Variants in GMIP observed in about 807,000 individuals in gnomAD.
GMIP encodes the protein GEM-interacting protein.
Under a neutral mutation model 105.3 loss-of-function variants are expected in GMIP, and 54 were observed. The observed-to-expected ratio is 0.51, with a 90% confidence interval of 0.41 to 0.64. The LOEUF (loss-of-function observed/expected upper bound fraction) is 0.64, where lower values mean the gene tolerates loss of function less well. Among genes scored for constraint, GMIP ranks in the 30% least tolerant of loss-of-function variants. The pLI is 0.00. For synonymous variants in GMIP, 541 were observed against 560.8 expected (o/e 0.96, Z 0.50); for missense variants, 1,110 against 1,319.4 (o/e 0.84, Z 2.46).
chr19:19,639,664 C>T (rs112530800), intron 7 of GMIP, among the ~76,000 whole-genome samples: 4,551 of 151,868 alleles, frequency 0.03, 241 homozygotes, highest in African/African-American at 0.1. Context: ...GCCTGGCCAA[C>T]ATGGTGAAAC....
intron 1 of GMIP, chr19:19,643,299 G>C (rs924959778): frequency 2.1e-6 from 1 of 484,226 alleles, no homozygotes; most frequent in African/African-American, 2.0e-5. Context: ...CCAGGCGTCT[G>C]GGGTGAGGGA....
chr19:19,642,619 C>G lies in GMIP; in HGVS notation c.20G>C (p.Gly7Ala). Residue 7 changes from glycine to alanine, a missense_variant and splice_region_variant, in exon 2 of 21, where the codon GGA becomes GCA. Gly to Ala is a moderately conservative substitution (Grantham distance 60). Coordinates refer to ENST00000203556, the MANE Select transcript of GMIP (RefSeq NM_016573.4). The stretch of plus-strand genomic sequence containing the variant: ...CCTGCCCTCAGGACCTGGGGGGAGT[C>G]CTAGGGGAGGGGAGTGTAATACATG... MDAAEPGLPPGPEGRKR... is the reference protein window; with the variant it reads MDAAEPALPPGPEGRKR... 6.3e-7 allele frequency: 1 copy of G among 1,575,606 alleles called. No individual in the cohort carries two copies.
chr19:19,641,274 G>A (rs921771325), intron 4 of GMIP, among the ~76,000 whole-genome samples: 1 of 151,536 alleles, frequency 6.6e-6, no homozygotes, highest in Admixed American at 6.6e-5. Context: ...AGTAGAGATG[G>A]GGTTTCACCA....
rs1000299919 is a variant in GMIP at position 19,643,617 on chromosome 19, A to AGCC, written c.-91_-89dup. ...CCGAGCCCCGATTTCCTGCCGCCGCAGCCGCCGCCGCCGCCTCGGTTCCGC... is the reference window on the plus strand; with the variant it reads ...CCGAGCCCCGATTTCCTGCCGCCGCAGCCGCCGCCGCCGCCGCCTCGGTTCCGC... On this transcript the variant is annotated 5_prime_UTR_variant, in exon 1 of 21. Transcript: ENST00000203556. 24 of 1,205,982 alleles carry AGCC rather than the reference A, an allele frequency of 2.0e-5. No individual in the cohort carries two copies. The highest frequency in any genetic ancestry group is 1.3e-4 in the Admixed American group (5 of 39,698). The allele number at this position is 1,205,982 out of a possible 1,614,324, so 74.7% of individuals were successfully genotyped here. A position where few individuals can be genotyped will look rare whatever the true frequency, so the allele number is the denominator to read the frequency against.
Position 19,630,201 on chromosome 19 carries a change from G to A in GMIP, c.2675C>T (p.Ser892Phe). ...HQLSSLALVA[S>F]KLCEETPITS... ...GATGGGGGTCTCCTCGCACAGCTTGGAAGCCACCAGGGCCAGACTGGACAG... is the reference window on the plus strand; with the variant it reads ...GATGGGGGTCTCCTCGCACAGCTTGAAAGCCACCAGGGCCAGACTGGACAG... Residue 892 changes from serine to phenylalanine, a missense_variant, in exon 21 of 21, where the codon TCC (serine) becomes TTC (phenylalanine). By Grantham distance (155) the Ser-to-Phe change is radical. Transcript: ENST00000203556. The surrounding 1 kb of genome is among the most constrained non-coding windows in gnomAD (Gnocchi z 4.8). The A allele has an allele frequency of 6.2e-7, 1 of 1,600,048 alleles. No homozygotes were observed. The highest frequency in any genetic ancestry group is 8.5e-7 in the Non-Finnish European group (1 of 1,169,964).
chr19:19,631,599 C>T (rs2061795842), intron 19 of GMIP, among the ~76,000 whole-genome samples: 1 of 152,240 alleles, frequency 6.6e-6, no homozygotes, highest in Non-Finnish European at 1.5e-5. Flanking sequence ...AGGCCTTGGG[C>T]ATGGACTGTT....
Position 19,638,347 on chromosome 19 carries a change from G to T in GMIP, c.619-18C>A. The T allele has an allele frequency of 6.2e-7, 1 of 1,614,096 alleles. No individual in the cohort carries two copies. The highest frequency in any genetic ancestry group is 8.5e-7 in the Non-Finnish European group (1 of 1,179,998). On this transcript the variant is annotated intron_variant, in intron 8 of 20. Transcript: ENST00000203556. ...GCCTCATTCTGGGGGATGATGAGAA[G>T]GTCAGCGTCCCGGCCTCTCTCTCAC...
chr19:19,632,731 A>C (rs1041477890), intron 19 of GMIP, among the ~76,000 whole-genome samples: 1 of 152,200 alleles, frequency 6.6e-6, no homozygotes, highest in East Asian at 1.9e-4. Flanking sequence ...GCCTGTGAAT[A>C]GCAGATGCAA....
At chr19:19,632,338 G>T (rs1339053741) in intron 19 of GMIP, among the ~76,000 whole-genome samples, 1 of 152,012 alleles carries the variant, frequency 6.6e-6, no homozygotes, top group African/African-American at 2.4e-5. Flanking sequence ...GGTGGCTCAC[G>T]CCTATAATCC....
In GMIP at chr19:19,634,512, C is replaced by T. The variant is rs778728123; in HGVS notation, c.2079G>A (p.Leu693=). ...YNTLRHLVAH[L]FRVAARFMEN... is the part of the protein sequence containing the mutation. ...GCTCAGGGACCCATGCACACCTGAA[C>T]AGATGGGCCACCAGGTGCCGCAGGG... Residue 693 remains leucine (L), a synonymous_variant, in exon 18 of 21, where the codon CTG becomes CTA. Coordinates refer to ENST00000203556, the MANE Select transcript of GMIP (RefSeq NM_016573.4). The surrounding 1 kb of genome is among the most constrained non-coding windows in gnomAD (Gnocchi z 6.1). 1 of 1,609,018 alleles carries T rather than the reference C, an allele frequency of 6.2e-7. No homozygotes were observed.
intron 7 of GMIP, 59 bp downstream of exon 7, chr19:19,640,026 C>G: frequency 1.0e-6 from 1 of 970,648 alleles, no homozygotes; most frequent in Non-Finnish European, 1.6e-6. Context: ...GGGGATCAGG[C>G]CTGAAGGACA....
chr19:19,642,906 C>G (rs896286539), intron 1 of GMIP, among the ~76,000 whole-genome samples: 8 of 152,030 alleles, frequency 5.3e-5, no homozygotes, highest in Admixed American at 5.2e-4. Context: ...CAGGCTGTCC[C>G]GAGAAGAAAG....
intron 19 of GMIP, among the ~76,000 whole-genome samples, chr19:19,632,546 A>G (rs1250724314): frequency 9.2e-5 from 14 of 152,288 alleles, no homozygotes; most frequent in Non-Finnish European, 1.9e-4. Context: ...AAAAAAATAA[A>G]AGATTCCAAC....
chr19:19,640,005 C>A (rs2061900692), intron 7 of GMIP, 80 bp downstream of exon 7: 1 of 746,142 alleles, frequency 1.3e-6, no homozygotes. Context: ...TCCCAGCTTG[C>A]TGGGAAACGA....
rs1415290879 is a variant in GMIP, at chr19:19,630,310, G to T, written c.2566C>A (p.Leu856Ile). Residue 856 changes from leucine to isoleucine, a missense_variant, in exon 21 of 21, where the codon CTC becomes ATC. Physicochemically the swap from Leu to Ile is conservative, Grantham distance 5 (BLOSUM62 2). Around this residue, in one of 3 missense-constraint regions of GMIP, gnomAD observed 394 missense variants for 450.5 expected, o/e 0.87. Transcript: ENST00000203556. The surrounding 1 kb of genome is among the most constrained non-coding windows in gnomAD (Gnocchi z 4.8). ...TGGCCACGAGACTGTGTCCCCAGGA[G>T]TGAGTCCTCTGGGCCTTGGCTGGAC... ...EVSSQGPEDS[L>I]LGTQSRGHFS... 6.5e-7 allele frequency: 1 copy of T among 1,543,630 alleles called. No homozygotes were observed. The highest frequency in any genetic ancestry group is 1.8e-4 in the Middle Eastern group (1 of 5,712).
Position 19,641,805 on chromosome 19 carries a change from C to T in GMIP, c.238+5G>A. 2.5e-6 allele frequency: 4 copies of T among 1,606,836 alleles called. No homozygotes were observed. Among genetic ancestry groups the T allele is most frequent in the Non-Finnish European group, 3.4e-6 (4 of 1,175,744 alleles). The stretch of plus-strand genomic sequence containing the variant: ...CCCACTGTCCTGGCCTCCAGACCCC[C>T]CTACCTGTGAGGGGTACAGGACCCT... On this transcript the variant is annotated splice_donor_5th_base_variant and intron_variant, in intron 4 of 20. Transcript: ENST00000203556.
Position 19,634,551 on chromosome 19 carries a change from G to C in GMIP, c.2040C>G (p.Asp680Glu), listed in dbSNP as rs775983419. ...GGTGCCGCAGGGTGTTGTAGTTAGA[G>C]TCAGGCAGCTGTACCAAGAGGGTCT... ...SLKTLLVQLP[D>E]SNYNTLRHLV... Residue 680 changes from aspartate to glutamate, a missense_variant, in exon 18 of 21, where the codon GAC becomes GAG. By Grantham distance (45) the Asp-to-Glu change is conservative (BLOSUM62 2). Around this residue, in one of 3 missense-constraint regions of GMIP, gnomAD observed 394 missense variants for 450.5 expected, o/e 0.87. Coordinates refer to ENST00000203556, the MANE Select transcript of GMIP (RefSeq NM_016573.4). The surrounding 1 kb of genome is among the most constrained non-coding windows in gnomAD (Gnocchi z 6.1). 6.2e-7 allele frequency: 1 copy of C among 1,613,506 alleles called. No homozygotes were observed. The highest frequency in any genetic ancestry group is 8.5e-7 in the Non-Finnish European group (1 of 1,179,836).
At position 19,634,963 on chromosome 19, in the gene GMIP, T is replaced by C. The variant is rs1303516331; in HGVS notation, c.1750-34A>G. 2 of 1,613,526 alleles carry C rather than the reference T, an allele frequency of 1.2e-6. No homozygotes were observed. Among genetic ancestry groups the C allele is most frequent in the African/African-American group, 2.7e-5 (2 of 74,882 alleles). Reference sequence around the variant, plus strand: ...TGAGGGTGAAAAACAGACACCTGGTTCGTGATAGGCCATCGATTCGGTCAG... The same window carrying C: ...TGAGGGTGAAAAACAGACACCTGGTCCGTGATAGGCCATCGATTCGGTCAG... On this transcript the variant is annotated intron_variant, in intron 16 of 20. Coordinates refer to ENST00000203556, the MANE Select transcript of GMIP (RefSeq NM_016573.4). This position sits in a 1 kb window ranked among gnomAD's most constrained non-coding sequence, Gnocchi z 6.1.
rs1277532879 is a variant in GMIP, at chr19:19,643,409, T to C, written c.19+102A>G. ...CCCTGGGTCCTTCCCATTCAGGAAC[T>C]CCTCTCCTGGCTCTCAGGACGGAGC... On this transcript the variant is annotated intron_variant, in intron 1 of 20. Transcript: ENST00000203556. The C allele has an allele frequency of 4.5e-6, 5 of 1,121,314 alleles. No individual in the cohort carries two copies. The Admixed American group carries it at 1.1e-4, about 24-fold the overall frequency. 69.5% of individuals were successfully genotyped at this position (1,121,314 alleles called of 1,614,324 possible).
Sources: gnomAD v4.1 joint callset for allele counts (sites outside exome capture counted in the v4.1 genomes callset) on GRCh38, gnomAD v4.1.1 for gene constraint, gnomAD v4.1.1 regional missense constraint, Gnocchi (gnomAD v3.1) non-coding constraint, MANE v1.5 for transcripts, NCBI Gene and HGNC (gene_info 2026-07-23, HGNC 2026-07-21) for gene names.